CYP39A1: variants seen among roughly 807,000 people sequenced by gnomAD.
The protein encoded by CYP39A1 is 24-hydroxycholesterol 7-alpha-hydroxylase.
CYP39A1 carries 49 observed loss-of-function variants against 58.1 expected under a neutral mutation model. That is an observed-to-expected ratio of 0.84 (90% CI 0.67 to 1.07). The LOEUF (loss-of-function observed/expected upper bound fraction) is 1.07, where lower values mean the gene tolerates loss of function less well. Among genes scored for constraint, CYP39A1 ranks in the 50% least tolerant of loss-of-function variants. The pLI, the probability that CYP39A1 is intolerant of heterozygous loss-of-function variation, is 0.00. For synonymous variants in CYP39A1, 209 were observed against 187.6 expected (o/e 1.11, Z -0.93); for missense variants, 531 against 539.4 (o/e 0.98, Z 0.16).
chr6:46,639,330 T>C (rs2894687), intron 3 of CYP39A1, among the ~76,000 whole-genome samples, 164 bp downstream of exon 3: 5,624 of 110,314 alleles, frequency 0.051, 313 homozygotes, highest in African/African-American at 0.14. Flanking sequence ...AGCGAGACTC[T>C]ATCTCAAAAA....
chr6:46,557,933 C>CAAAAAAA (rs1186594398), intron 10 of CYP39A1, among the ~76,000 whole-genome samples: 43 of 37,538 alleles, frequency 1.1e-3, no homozygotes, highest in African/African-American at 2.1e-3. Flanking sequence ...GACTCCATCT[C>CAAAAAAA]AAAAAAAAAA....
intron 5 of CYP39A1, 45 bp from the exon 6 acceptor site, chr6:46,631,115 A>C: frequency 7.4e-7 from 1 of 1,345,048 alleles, no homozygotes; most frequent in Non-Finnish European, 1.1e-6. Context: ...CTATGTGACA[A>C]ATATCGATGT....
At chr6:46,551,969 T>A (rs930184931) in intron 11 of CYP39A1, among the ~76,000 whole-genome samples, 1 of 152,172 alleles carries the variant, frequency 6.6e-6, no homozygotes, top group African/African-American at 2.4e-5. Flanking sequence ...TTTTATAACC[T>A]GAGAGAACAT....
intron 10 of CYP39A1, among the ~76,000 whole-genome samples, chr6:46,564,126 TTCTATTTTA>T: frequency 8.5e-6 from 1 of 118,030 alleles, no homozygotes; most frequent in African/African-American, 6.0e-5. Flanking sequence ...TTCTATTTTA[TTCTATTTTA>T]TTCTATTCTA....
chr6:46,552,515 C>G (rs1770454810), intron 11 of CYP39A1, among the ~76,000 whole-genome samples: 1 of 152,182 alleles, frequency 6.6e-6, no homozygotes, highest in East Asian at 1.9e-4. Flanking sequence ...ATTGAAATGT[C>G]ACCTAAGAGT....
chr6:46,566,381 A>G (rs1316547619), intron 10 of CYP39A1, among the ~76,000 whole-genome samples: 1 of 152,200 alleles, frequency 6.6e-6, no homozygotes, highest in East Asian at 1.9e-4. Flanking sequence ...AAGCCTCAGG[A>G]CACTTACAAT....
At chr6:46,588,566 T>C (rs1409330584) in intron 8 of CYP39A1, among the ~76,000 whole-genome samples, 2 of 151,862 alleles carry the variant, frequency 1.3e-5, no homozygotes, top group Non-Finnish European at 2.9e-5. Flanking sequence ...AACAGAAAAA[T>C]TGGACTCTGA....
intron 10 of CYP39A1, among the ~76,000 whole-genome samples, chr6:46,558,857 G>A (rs1222200418): frequency 3.3e-5 from 5 of 151,954 alleles, no homozygotes; most frequent in South Asian, 2.1e-4. Context: ...TTAGCTGGGC[G>A]TGGTGGCACG....
chr6:46,558,728 T>C (rs921591402), intron 10 of CYP39A1, among the ~76,000 whole-genome samples: 1 of 152,118 alleles, frequency 6.6e-6, no homozygotes, highest in Non-Finnish European at 1.5e-5. Flanking sequence ...CCGGGCACGG[T>C]GGCTCATGCC....
At chr6:46,639,412 T>A (rs1274601265) in intron 3 of CYP39A1, 82 bp downstream of exon 3, 1 of 1,293,296 alleles carries the variant, frequency 7.7e-7, no homozygotes, top group Non-Finnish European at 1.1e-6. Context: ...AACCTGACAA[T>A]GTTTGAAGTC....
At chr6:46,639,196 C>T (rs978341606) in intron 3 of CYP39A1, among the ~76,000 whole-genome samples, 2 of 152,136 alleles carry the variant, frequency 1.3e-5, no homozygotes, top group African/African-American at 4.8e-5. Flanking sequence ...GTAGTTTATA[C>T]ACAAATGTAT....
At chr6:46,566,304 C>T (rs561697130) in intron 10 of CYP39A1, among the ~76,000 whole-genome samples, 27 of 152,246 alleles carry the variant, frequency 1.8e-4, no homozygotes, top group Non-Finnish European at 3.5e-4. Flanking sequence ...CTATAAAGGA[C>T]TGCCCAAGAC....
At chr6:46,629,418 A>G (rs777271125) in intron 6 of CYP39A1, among the ~76,000 whole-genome samples, 2 of 152,200 alleles carry the variant, frequency 1.3e-5, no homozygotes, top group African/African-American at 2.4e-5. Flanking sequence ...ATCAGTTTCC[A>G]AGAATATTAT....
chr6:46,596,742 G>C (rs921287556), intron 7 of CYP39A1, among the ~76,000 whole-genome samples: 1 of 152,026 alleles, frequency 6.6e-6, no homozygotes, highest in Non-Finnish European at 1.5e-5. Context: ...GAAAAAGGAG[G>C]GGGTGGGGTG....
chr6:46,618,167 A>G (rs1467024301), intron 7 of CYP39A1, among the ~76,000 whole-genome samples: 1 of 152,182 alleles, frequency 6.6e-6, no homozygotes, highest in Non-Finnish European at 1.5e-5. Context: ...ACGATTTGCC[A>G]GGTACTACGC....
At chr6:46,648,715 C>T (rs914420135) in intron 1 of CYP39A1, among the ~76,000 whole-genome samples, 3 of 151,248 alleles carry the variant, frequency 2.0e-5, no homozygotes, top group African/African-American at 7.3e-5. Context: ...AGTATTGGCA[C>T]AACAAGAAAA....
intron 9 of CYP39A1, among the ~76,000 whole-genome samples, 161 bp downstream of exon 9, chr6:46,587,873 T>C (rs1405513208): frequency 6.6e-6 from 1 of 152,192 alleles, no homozygotes; most frequent in African/African-American, 2.4e-5. Flanking sequence ...GCACTATCTA[T>C]ATTGCAAATC....
chr6:46,622,546 G>A (rs773240003), intron 7 of CYP39A1, among the ~76,000 whole-genome samples: 16 of 149,518 alleles, frequency 1.1e-4, no homozygotes, highest in Admixed American at 7.3e-4. Flanking sequence ...CCAGGAGCTC[G>A]AGGCTGTAGT....
At chr6:46,609,132 G>A (rs182489118) in intron 7 of CYP39A1, among the ~76,000 whole-genome samples, 2 of 151,900 alleles carry the variant, frequency 1.3e-5, no homozygotes, top group East Asian at 2.0e-4. Context: ...CAGGCACCGT[G>A]GGCTCACGCC....
Sources: gnomAD v4.1 joint callset for allele counts (sites outside exome capture counted in the v4.1 genomes callset) on GRCh38, gnomAD v4.1.1 for gene constraint, MANE v1.5 for transcripts, NCBI Gene and HGNC (gene_info 2026-07-23, HGNC 2026-07-21) for gene names.